Variants in RBFOX3 observed in about 807,000 individuals in gnomAD.
RBFOX3 encodes RNA binding fox-1 homolog 3.
In RBFOX3, 17 loss-of-function variants were observed where a neutral mutation model predicts 48.7. That is an observed-to-expected ratio of 0.35 (90% CI 0.24 to 0.52). RBFOX3 has a LOEUF of 0.52. RBFOX3 is among the 20% of genes least tolerant of loss of function. The pLI is 0.94. For missense variants in RBFOX3, 382 were observed against 497.5 expected, an observed-to-expected ratio of 0.77 and a Z score of 2.21; for synonymous variants, 212 against 209.5, an observed-to-expected ratio of 1.01 and a Z score of -0.10.
At chr17:79,610,203 C>T (rs995939686) in intron 1 of RBFOX3, among the ~76,000 whole-genome samples, 1 of 152,074 alleles carries the variant, frequency 6.6e-6, no homozygotes, top group Non-Finnish European at 1.5e-5. Context: ...CCTTCCTCCC[C>T]ACAACTCCTT....
intron 2 of RBFOX3, among the ~76,000 whole-genome samples, chr17:79,466,118 C>A (rs1200194308): frequency 1.3e-5 from 2 of 152,226 alleles, no homozygotes; most frequent in African/African-American, 4.8e-5. Context: ...CAGACCCGGC[C>A]TCTGCTGGGC....
At chr17:79,556,916 C>T (rs1432412945) in intron 1 of RBFOX3, among the ~76,000 whole-genome samples, 1 of 152,070 alleles carries the variant, frequency 6.6e-6, no homozygotes, top group Non-Finnish European at 1.5e-5. Context: ...GGGCTTTCCA[C>T]GTCTGTCTCC....
At chr17:79,584,284 G>T (rs2093168534) in intron 1 of RBFOX3, among the ~76,000 whole-genome samples, 1 of 152,186 alleles carries the variant, frequency 6.6e-6, no homozygotes. Context: ...CTTTTACACT[G>T]CTGGTGGGAA....
At chr17:79,093,791 CCACACACACACACACACACACACACA>C (rs60453390) in intron 14 of RBFOX3, among the ~76,000 whole-genome samples, 1 of 143,822 alleles carries the variant, frequency 7.0e-6, no homozygotes, top group Non-Finnish European at 1.5e-5. Flanking sequence ...CAACAGCTGG[CCACACACACACACACACACACACACA>C]CACACACACA....
chr17:79,157,344 G>A (rs912943067), intron 4 of RBFOX3, among the ~76,000 whole-genome samples: 3 of 152,178 alleles, frequency 2.0e-5, no homozygotes, highest in African/African-American at 2.4e-5. Context: ...CCTCTGCGGA[G>A]AGCCCAGCTG....
intron 2 of RBFOX3, among the ~76,000 whole-genome samples, chr17:79,381,696 T>A (rs2059950253): frequency 6.6e-6 from 1 of 152,202 alleles, no homozygotes; most frequent in Non-Finnish European, 1.5e-5. Flanking sequence ...GGGGCAGGAC[T>A]CTCCTGCTAG....
At chr17:79,160,236 GGC>G (rs139296030) in intron 4 of RBFOX3, among the ~76,000 whole-genome samples, 20,202 of 152,198 alleles carry the variant, frequency 0.13, 2,031 homozygotes, top group African/African-American at 0.28. Context: ...CGATGCAGGT[GGC>G]CTGGAGCCAG....
chr17:79,378,511 C>T (rs972371576), intron 2 of RBFOX3, among the ~76,000 whole-genome samples: 2 of 152,142 alleles, frequency 1.3e-5, no homozygotes, highest in Admixed American at 1.3e-4. Context: ...AGGACATAAC[C>T]CGTGGCCGCC....
At chr17:79,112,996 C>T (rs375618896) in intron 5 of RBFOX3, among the ~76,000 whole-genome samples, 5 of 150,944 alleles carry the variant, frequency 3.3e-5, no homozygotes, top group South Asian at 2.1e-4. Flanking sequence ...TCGAGTGCCC[C>T]GGGAGCTCAG....
chr17:79,090,823 G>T lies in RBFOX3; in HGVS notation c.*60C>A. ...TCTTTTTTTGTTTTTTTTGTTTTGT[G>T]ATTTTTTTTGTTTTTTTGTTTTTGC... On this transcript the variant is annotated 3_prime_UTR_variant, in exon 15 of 15. Transcript: ENST00000693108. 6.8e-7 allele frequency: 1 copy of T among 1,472,078 alleles called. No individual in the cohort carries two copies. Among genetic ancestry groups the T allele is most frequent in the Non-Finnish European group, 9.1e-7 (1 of 1,103,296 alleles). 91.2% of individuals were successfully genotyped at this position (1,472,078 alleles called of 1,614,324 possible).
chr17:79,337,702 T>A (rs12938455), intron 2 of RBFOX3, among the ~76,000 whole-genome samples: 1 of 152,050 alleles, frequency 6.6e-6, no homozygotes, highest in Non-Finnish European at 1.5e-5. Flanking sequence ...GCTGAACCCG[T>A]GAGGCAGAGG....
chr17:79,105,654 C>T (rs138250917), intron 6 of RBFOX3, among the ~76,000 whole-genome samples: 1 of 152,206 alleles, frequency 6.6e-6, no homozygotes, highest in Non-Finnish European at 1.5e-5. Flanking sequence ...ACCTCTCCAC[C>T]CTGGGGCTGC....
intron 3 of RBFOX3, among the ~76,000 whole-genome samples, chr17:79,276,583 G>C (rs1178187198): frequency 6.6e-6 from 1 of 152,124 alleles, no homozygotes; most frequent in Non-Finnish European, 1.5e-5. Context: ...TGCTCGGGAG[G>C]CTGACGCAGG....
intron 4 of RBFOX3, among the ~76,000 whole-genome samples, chr17:79,151,321 C>CGTGGT (rs1471126324): frequency 6.8e-6 from 1 of 147,940 alleles, no homozygotes; most frequent in African/African-American, 2.5e-5. Context: ...CCACGGGACG[C>CGTGGT]GTGGTCCCGA....
intron 2 of RBFOX3, among the ~76,000 whole-genome samples, chr17:79,366,052 A>T (rs536102691): frequency 6.6e-6 from 1 of 152,380 alleles, no homozygotes; most frequent in South Asian, 2.1e-4. Flanking sequence ...GGGACACACC[A>T]TGCTGCAGCC....
At chr17:79,241,695 A>C (rs919363542) in intron 3 of RBFOX3, among the ~76,000 whole-genome samples, 5 of 152,144 alleles carry the variant, frequency 3.3e-5, no homozygotes, top group Non-Finnish European at 7.4e-5. Context: ...ACAGAAATGT[A>C]TTTCTCCCAG....
chr17:79,261,894 G>GC (rs1265223199), intron 3 of RBFOX3, among the ~76,000 whole-genome samples: 15 of 152,286 alleles, frequency 9.8e-5, no homozygotes, highest in Admixed American at 5.9e-4. Flanking sequence ...CTCACGGCCG[G>GC]CCCCGCGGAA....
chr17:79,106,918 G>T, intron 5 of RBFOX3, 130 bp from the exon 6 acceptor site: 1 of 1,246,626 alleles, frequency 8.0e-7, no homozygotes, highest in Non-Finnish European at 1.1e-6. Context: ...CCATCCCTGG[G>T]CTGGGATCCT....
intron 1 of RBFOX3, among the ~76,000 whole-genome samples, chr17:79,594,595 T>C (rs1207226216): frequency 3.9e-5 from 6 of 152,206 alleles, no homozygotes; most frequent in African/African-American, 2.4e-5. Context: ...GAGGTTCTTG[T>C]TCCTGTCCCT....
Sources: gnomAD v4.1 joint callset for allele counts (sites outside exome capture counted in the v4.1 genomes callset) on GRCh38, gnomAD v4.1.1 for gene constraint, MANE v1.5 for transcripts, NCBI Gene and HGNC (gene_info 2026-07-23, HGNC 2026-07-21) for gene names.